The following KSR2 variants were observed in gnomAD, a reference collection of about 807,000 sequenced individuals.
KSR2 encodes the protein kinase suppressor of ras 2.
Under a neutral mutation model 107.8 loss-of-function variants are expected in KSR2, and 25 were observed. That is an observed-to-expected ratio of 0.23 (90% confidence interval 0.17 to 0.32). KSR2 has a LOEUF of 0.32. Among genes scored for constraint, KSR2 ranks in the 10% least tolerant of loss-of-function variants. KSR2 has a pLI of 1.00. For missense variants in KSR2, 887 were observed against 1,268.9 expected, an observed-to-expected ratio of 0.70 and a Z score of 4.57; for synonymous variants, 480 against 507.0, an observed-to-expected ratio of 0.95 and a Z score of 0.71.
intron 3 of KSR2, among the ~76,000 whole-genome samples, chr12:117,793,641 C>G (rs1372418596): frequency 6.8e-6 from 1 of 147,102 alleles, no homozygotes; most frequent in African/African-American, 2.5e-5. Context: ...TTATCCCATG[C>G]ACATATACAC....
intron 3 of KSR2, among the ~76,000 whole-genome samples, chr12:117,772,226 TC>T (rs1320851873): frequency 3.4e-4 from 13 of 38,006 alleles, no homozygotes. Flanking sequence ...CACACACCAT[TC>T]CCCCAGACGC....
At chr12:117,746,262 C>G (rs1418142082) in intron 4 of KSR2, among the ~76,000 whole-genome samples, 1 of 152,074 alleles carries the variant, frequency 6.6e-6, no homozygotes, top group African/African-American at 2.4e-5. Flanking sequence ...GAACAGAGAC[C>G]TCAGAAATAA....
At chr12:117,668,855 G>A (rs571297706) in intron 4 of KSR2, among the ~76,000 whole-genome samples, 39 of 152,294 alleles carry the variant, frequency 2.6e-4, no homozygotes, top group Middle Eastern at 6.8e-3. Context: ...CAAGACCCAG[G>A]AGATTGAATG....
At chr12:117,503,209 G>A (rs1873482845) in intron 14 of KSR2, among the ~76,000 whole-genome samples, 1 of 152,120 alleles carries the variant, frequency 6.6e-6, no homozygotes, top group African/African-American at 2.4e-5. Flanking sequence ...ATGAGCTTTT[G>A]GGAAAGTTGC....
rs531282998 is a variant in KSR2 at position 117,775,772 on chromosome 12, G to C, written c.473-14248C>G. On this transcript the variant is annotated intron_variant, in intron 3 of 19. Coordinates refer to ENST00000339824, the MANE Select transcript of KSR2 (RefSeq NM_173598.6). ...CAGCCATAAAAAGGAATGAATGAAT[G>C]AATGGCATTCACAGCGACCTGGATG... is the stretch of plus-strand genomic sequence containing the variant. Among the ~76,000 whole-genome samples, 17 of 152,296 alleles carry C rather than the reference G, an allele frequency of 1.1e-4. No individual in the cohort carries two copies. In the South Asian group the frequency reaches 3.3e-3, roughly 30 times the overall value.
At chr12:117,665,569 T>C (rs1229507478) in intron 5 of KSR2, among the ~76,000 whole-genome samples, 2 of 152,152 alleles carry the variant, frequency 1.3e-5, no homozygotes, top group Non-Finnish European at 1.5e-5. Flanking sequence ...GGAGGGGAAG[T>C]AAACTGCAAG....
In KSR2 at chr12:117,531,701, T is replaced by C. The variant is rs767315536; in HGVS notation, c.1694A>G (p.His565Arg). 10 of 1,598,976 alleles carry C rather than the reference T, an allele frequency of 6.3e-6. No individual in the cohort carries two copies. Among genetic ancestry groups the C allele is most frequent in the South Asian group, 2.3e-5 (2 of 88,078 alleles). ...GAACTGCTGCTTGTATTTGTAGTAG[T>C]GGGATGCTTGCAAAAGAAAGAAAAC... is the stretch of plus-strand genomic sequence containing the variant. Reference protein sequence around the residue: ...QQKNFNLPASHYYKYKQQFIF... With the variant: ...QQKNFNLPASRYYKYKQQFIF... The change falls in exon 11 of 20, where the codon CAC becomes CGC. Residue 565 changes from histidine to arginine, a missense_variant. This residue lies in a region of KSR2 where 50 missense variants were observed against 43.4 expected (regional missense o/e 1.15). Transcript: ENST00000339824.
At chr12:117,476,325 C>T in intron 17 of KSR2, 139 bp downstream of exon 17, 14 of 1,027,392 alleles carry the variant, frequency 1.4e-5, no homozygotes, top group Non-Finnish European at 1.6e-5. Context: ...ACTCAGGTTC[C>T]TCCATTCTCA....
intron 3 of KSR2, among the ~76,000 whole-genome samples, chr12:117,808,653 A>G (rs1240528969): frequency 1.3e-5 from 2 of 152,084 alleles, no homozygotes; most frequent in Non-Finnish European, 2.9e-5. Flanking sequence ...TTGCATCTCA[A>G]TCTGAAGCCT....
intron 5 of KSR2, among the ~76,000 whole-genome samples, chr12:117,626,138 T>A (rs1330185414): frequency 6.6e-6 from 1 of 152,226 alleles, no homozygotes; most frequent in Non-Finnish European, 1.5e-5. Context: ...ATTTTGTTGA[T>A]CTTTTCAAAA....
chr12:117,513,364 G>A (rs924544814), intron 14 of KSR2, among the ~76,000 whole-genome samples: 1 of 152,152 alleles, frequency 6.6e-6, no homozygotes, highest in Non-Finnish European at 1.5e-5. Context: ...CAGGCAGGGG[G>A]CAAGGCCAAA....
chr12:117,734,278 C>G (rs1394637635), intron 4 of KSR2, among the ~76,000 whole-genome samples: 1 of 67,658 alleles, frequency 1.5e-5, no homozygotes, highest in African/African-American at 1.1e-4. Flanking sequence ...GAGACTCTGT[C>G]TCAAAAAAAA....
intron 7 of KSR2, among the ~76,000 whole-genome samples, chr12:117,575,176 T>C (rs138838089): frequency 6.6e-5 from 10 of 152,314 alleles, no homozygotes; most frequent in Admixed American, 6.5e-4. Flanking sequence ...TGCCCCAGCA[T>C]AGAAACTAGG....
intron 3 of KSR2, among the ~76,000 whole-genome samples, chr12:117,849,778 G>C (rs1440164472): frequency 1.3e-5 from 2 of 152,142 alleles, no homozygotes; most frequent in Non-Finnish European, 2.9e-5. Context: ...TGACATTCTT[G>C]GCCAAGCACA....
At chr12:117,770,146 T>C (rs1259183518) in intron 3 of KSR2, among the ~76,000 whole-genome samples, 2 of 152,198 alleles carry the variant, frequency 1.3e-5, no homozygotes, top group Admixed American at 6.5e-5. Flanking sequence ...CAGAAGCCTT[T>C]ATTTTGGGTT....
At chr12:117,937,433 G>A (rs1593385051) in intron 1 of KSR2, among the ~76,000 whole-genome samples, 4 of 151,844 alleles carry the variant, frequency 2.6e-5, no homozygotes, top group Admixed American at 2.6e-4. Flanking sequence ...ATTATGAAGT[G>A]GCTTGTGTTT....
chr12:117,793,313 AC>A (rs1890357567), intron 3 of KSR2, among the ~76,000 whole-genome samples: 2 of 129,126 alleles, frequency 1.5e-5, no homozygotes, highest in Non-Finnish European at 3.2e-5. Context: ...ACATGCACAC[AC>A]CCTCACACCA....
intron 14 of KSR2, among the ~76,000 whole-genome samples, chr12:117,512,727 A>ATAAACT (rs1555211256): frequency 6.6e-6 from 1 of 151,216 alleles, no homozygotes. Flanking sequence ...TCACCTCTTA[A>ATAAACT]TAGACTTAGA....
At chr12:117,665,429 C>T (rs1884618977) in intron 5 of KSR2, among the ~76,000 whole-genome samples, 1 of 152,310 alleles carries the variant, frequency 6.6e-6, no homozygotes, top group African/African-American at 2.4e-5. Context: ...CAGTGGCCAA[C>T]CCCTGGAGGG....
Sources: gnomAD v4.1 joint callset for allele counts (sites outside exome capture counted in the v4.1 genomes callset) on GRCh38, gnomAD v4.1.1 for gene constraint, gnomAD v4.1.1 regional missense constraint, MANE v1.5 for transcripts, NCBI Gene and HGNC (gene_info 2026-07-23, HGNC 2026-07-21) for gene names.